WDFY4: variants seen among roughly 807,000 people sequenced by gnomAD.
The protein encoded by WDFY4 is WD repeat- and FYVE domain-containing protein 4.
Under a neutral mutation model 351.9 loss-of-function variants are expected in WDFY4, and 169 were observed. The observed-to-expected ratio is 0.48, with a 90% CI of 0.42 to 0.55. The LOEUF is 0.55. WDFY4 is among the 20% of genes least tolerant of loss of function. The pLI is 0.00. For missense variants in WDFY4, 3,803 were observed against 3,935.6 expected (o/e 0.97, Z 0.90); for synonymous variants, 1,622 against 1,574.6 (o/e 1.03, Z -0.71).
chr10:48,701,116 A>G (rs911973320), intron 1 of WDFY4, among the ~76,000 whole-genome samples: 2 of 152,080 alleles, frequency 1.3e-5, no homozygotes, highest in African/African-American at 2.4e-5. Context: ...GGGAACCACC[A>G]TTCACCTTTC....
In WDFY4 at chr10:48,710,001, A is replaced by G. The variant is rs77698302; in HGVS notation, c.234+35A>G. 13,430 of 1,516,100 alleles carry G rather than the reference A, an allele frequency of 8.9e-3. 96 individuals carry two copies. Among genetic ancestry groups the G allele is most frequent in the Non-Finnish European group, 9.6e-3 (10,798 of 1,124,744 alleles). 93.9% of individuals were successfully genotyped at this position (1,516,100 alleles called of 1,614,324 possible). A position where few individuals can be genotyped will look rare whatever the true frequency, so the allele number is the denominator to read the frequency against. ...CTTATTTTTGAAACTGTAAGGTGAT[A>G]GGCGCTCTGGGACACTTCTGGGATG... On this transcript the variant is annotated intron_variant, in intron 2 of 61. Coordinates refer to ENST00000325239, the MANE Select transcript of WDFY4 (RefSeq NM_001394531.1).
chr10:48,924,038 G>T (rs1326981944), intron 47 of WDFY4, among the ~76,000 whole-genome samples: 2 of 152,178 alleles, frequency 1.3e-5, no homozygotes, highest in African/African-American at 4.8e-5. Flanking sequence ...GAACTCCTCC[G>T]TTAAGGAGCC....
intron 1 of WDFY4, among the ~76,000 whole-genome samples, chr10:48,694,388 A>G (rs376702483): frequency 2.2e-4 from 34 of 151,890 alleles, no homozygotes; most frequent in African/African-American, 7.0e-4. Flanking sequence ...TAACCTGCCC[A>G]CTGGGTAGCT....
intron 43 of WDFY4, among the ~76,000 whole-genome samples, chr10:48,878,829 A>G (rs1179235675): frequency 4.6e-5 from 7 of 152,268 alleles, no homozygotes; most frequent in Admixed American, 2.6e-4. Context: ...TGGATCCTCC[A>G]TACAGGAGGA....
intron 3 of WDFY4, among the ~76,000 whole-genome samples, chr10:48,720,807 A>G (rs904635679): frequency 1.2e-4 from 18 of 152,230 alleles, no homozygotes; most frequent in Admixed American, 1.2e-3. Context: ...TCTTCCCCTC[A>G]TGTGCGCTGG....
At chr10:48,784,723 G>T (rs1442410793) in intron 19 of WDFY4, among the ~76,000 whole-genome samples, 1 of 149,374 alleles carries the variant, frequency 6.7e-6, no homozygotes, top group Non-Finnish European at 1.5e-5. Context: ...TGTATTTTTA[G>T]TAGAGATGGG....
chr10:48,698,047 G>A (rs914365716), intron 1 of WDFY4, among the ~76,000 whole-genome samples: 4 of 152,146 alleles, frequency 2.6e-5, no homozygotes, highest in African/African-American at 4.8e-5. Flanking sequence ...GATGGCCTCC[G>A]AGGAGGGGAT....
chr10:48,789,246 GTAGAT>G (rs1460975705), intron 21 of WDFY4, among the ~76,000 whole-genome samples: 7 of 152,210 alleles, frequency 4.6e-5, no homozygotes, highest in Admixed American at 2.0e-4. Context: ...AGATATGTTT[GTAGAT>G]GGGGATGCCA....
Position 48,731,493 on chromosome 10 carries a change from C to G in WDFY4, c.1513C>G (p.Arg505Gly). The G allele has an allele frequency of 6.4e-7, 1 of 1,551,596 alleles. No homozygotes were observed. Among genetic ancestry groups the G allele is most frequent in the Non-Finnish European group, 8.7e-7 (1 of 1,146,988 alleles). The change falls in exon 9 of 62, where the codon CGG (arginine) becomes GGG (glycine). Residue 505 changes from arginine to glycine, a missense_variant. Arg to Gly is a moderately radical substitution (Grantham distance 125). Transcript: ENST00000325239. ...GGACCCCCTCTTCACCGACATCTTC[C>G]GGGACTCAGGGCTCCTGGGCCTGCT... is the stretch of plus-strand genomic sequence containing the variant. The part of the protein sequence containing the change: ...GGDPLFTDIF[R>G]DSGLLGLLLA...
chr10:48,819,891 A>G (rs1204099026), intron 32 of WDFY4, among the ~76,000 whole-genome samples: 3 of 152,182 alleles, frequency 2.0e-5, no homozygotes, highest in Non-Finnish European at 2.9e-5. Context: ...ATCCGGTGTC[A>G]GATGGTTTTT....
In WDFY4 at chr10:48,830,775, A is replaced by C. The variant is rs1221999306; in HGVS notation, c.6416A>C (p.Asp2139Ala). ...GCACAAAGGCAGCAGACCCTGGAGG[A>C]TGCCTTCAAGATCGATCTCTCTGTG... is the stretch of plus-strand genomic sequence containing the variant. ...LVAQRQQTLE[D>A]AFKIDLSVKP... is the part of the protein sequence containing the mutation. The change falls in exon 38 of 62, where the codon GAT becomes GCT. Residue 2139 changes from aspartate to alanine, a missense_variant. Transcript: ENST00000325239. The C allele has an allele frequency of 6.4e-7, 1 of 1,551,554 alleles. No individual in the cohort carries two copies. The highest frequency in any genetic ancestry group is 8.7e-7 in the Non-Finnish European group (1 of 1,146,940).
intron 41 of WDFY4, 34 bp downstream of exon 41, chr10:48,873,731 C>G (rs1402529599): frequency 6.5e-7 from 1 of 1,546,208 alleles, no homozygotes; most frequent in East Asian, 2.4e-5. Context: ...AGTGCTGGTT[C>G]CAGGTAGGGC....
intron 47 of WDFY4, among the ~76,000 whole-genome samples, chr10:48,916,871 A>ATGTGTG (rs55891907): frequency 9.6e-4 from 143 of 149,388 alleles, no homozygotes; most frequent in African/African-American, 3.1e-3. Context: ...CTTTAAAAAT[A>ATGTGTG]TGTGTGTGTG....
At chr10:48,965,612 A>C (rs960547868) in intron 54 of WDFY4, among the ~76,000 whole-genome samples, 7 of 152,094 alleles carry the variant, frequency 4.6e-5, no homozygotes, top group African/African-American at 1.7e-4. Flanking sequence ...AACTCTGCCC[A>C]TGTCCACAGC....
intron 47 of WDFY4, chr10:48,913,814 G>C (rs756344212): frequency 6.2e-7 from 1 of 1,614,058 alleles, no homozygotes. Flanking sequence ...TCAGCTCCAC[G>C]GGCAGCCCGT....
intron 57 of WDFY4, among the ~76,000 whole-genome samples, chr10:48,971,356 C>A (rs944825696): frequency 1.3e-5 from 2 of 152,040 alleles, no homozygotes; most frequent in Admixed American, 6.5e-5. Flanking sequence ...ATTAGCCAGG[C>A]GTGGTGGTGG....
At chr10:48,813,749 A>C (rs1437277469) in intron 30 of WDFY4, among the ~76,000 whole-genome samples, 1 of 152,172 alleles carries the variant, frequency 6.6e-6, no homozygotes, top group African/African-American at 2.4e-5. Flanking sequence ...TCTCTAGGGG[A>C]TCTTCAGCAC....
intron 30 of WDFY4, among the ~76,000 whole-genome samples, chr10:48,812,917 G>A (rs1046769826): frequency 1.3e-5 from 2 of 152,074 alleles, no homozygotes; most frequent in South Asian, 2.1e-4. Context: ...TCCCACCATC[G>A]TCTGCCTGGT....
chr10:48,924,494 G>A (rs766361927), intron 47 of WDFY4, among the ~76,000 whole-genome samples: 12 of 152,240 alleles, frequency 7.9e-5, no homozygotes, highest in Admixed American at 2.0e-4. Context: ...ATAGATGGGC[G>A]AATAGACAGA....
Sources: allele counts gnomAD v4.1 joint callset (sites outside exome capture counted in the v4.1 genomes callset), GRCh38; gene constraint gnomAD v4.1.1; transcripts MANE v1.5; gene names NCBI Gene and HGNC (gene_info 2026-07-23, HGNC 2026-07-21).